Variants in MYRIP observed in about 807,000 individuals in gnomAD.
MYRIP encodes rab effector MyRIP.
Under a neutral mutation model 98.0 loss-of-function variants are expected in MYRIP, and 49 were observed. That is an observed-to-expected ratio of 0.50 (90% CI 0.40 to 0.63). The LOEUF (loss-of-function observed/expected upper bound fraction) is 0.63. MYRIP is among the 30% of genes least tolerant of loss of function. The pLI, the probability that MYRIP is intolerant of heterozygous loss-of-function variation, is 0.00. For missense variants in MYRIP, 1,004 were observed against 1,058.2 expected (o/e 0.95, Z 0.71); for synonymous variants, 404 against 409.5 (o/e 0.99, Z 0.16).
chr3:40,001,238 A>G (rs184659885), intron 2 of MYRIP, among the ~76,000 whole-genome samples: 62 of 152,364 alleles, frequency 4.1e-4, no homozygotes, highest in Non-Finnish European at 7.2e-4. Flanking sequence ...TGATATATAC[A>G]TTTGGCAAAA....
chr3:40,126,977 C>T (rs961297662), intron 3 of MYRIP, among the ~76,000 whole-genome samples: 1 of 152,188 alleles, frequency 6.6e-6, no homozygotes, highest in African/African-American at 2.4e-5. Context: ...GGGAAACTAC[C>T]TGCACAGCTT....
At chr3:39,887,258 C>T (rs1000272749) in intron 1 of MYRIP, among the ~76,000 whole-genome samples, 10 of 151,204 alleles carry the variant, frequency 6.6e-5, no homozygotes, top group African/African-American at 2.4e-4. Flanking sequence ...AAATTGACAC[C>T]CTAACATCAC....
intron 3 of MYRIP, among the ~76,000 whole-genome samples, chr3:40,052,261 G>T (rs932656383): frequency 6.6e-6 from 1 of 151,578 alleles, no homozygotes; most frequent in African/African-American, 2.4e-5. Flanking sequence ...CTTTTTTAGC[G>T]CCCACATATG....
intron 1 of MYRIP, among the ~76,000 whole-genome samples, chr3:39,841,468 T>C (rs375833961): frequency 6.6e-6 from 1 of 152,088 alleles, no homozygotes; most frequent in East Asian, 1.9e-4. Context: ...ATTCATCAAG[T>C]CATTCTCCAT....
chr3:40,185,060 C>A (rs150667885), intron 9 of MYRIP, among the ~76,000 whole-genome samples: 78 of 152,310 alleles, frequency 5.1e-4, no homozygotes, highest in African/African-American at 1.9e-3. Context: ...AGGCATTGCT[C>A]AATCTCAGTT....
At position 40,218,618 on chromosome 3, in the gene MYRIP, A is replaced by AT. The variant is rs1952212363; in HGVS notation, c.1905+8526dup. 1.9e-3 allele frequency among the ~76,000 whole-genome samples: 17 copies of AT among 8,848 alleles called. No individual in the cohort carries two copies. In the East Asian group the frequency reaches 0.11, roughly 56 times the overall value. The allele number at this position is 8,848 out of a possible 152,430, so 5.8% of individuals were successfully genotyped here. A position where few individuals can be genotyped will look rare whatever the true frequency, so the allele number is the denominator to read the frequency against. On this transcript the variant is annotated intron_variant, in intron 11 of 16. Coordinates refer to ENST00000302541, the MANE Select transcript of MYRIP (RefSeq NM_015460.4). ...ACACACATATATATATATTTTATAT[A>AT]TATATATATATATATATATATATAT...
At chr3:40,120,589 T>C (rs1448363410) in intron 3 of MYRIP, among the ~76,000 whole-genome samples, 2 of 152,054 alleles carry the variant, frequency 1.3e-5, no homozygotes, top group African/African-American at 4.8e-5. Flanking sequence ...AGAAAGATAA[T>C]TTGATGTCTT....
chr3:39,866,919 T>C (rs998239614), intron 1 of MYRIP, among the ~76,000 whole-genome samples: 3 of 152,156 alleles, frequency 2.0e-5, no homozygotes, highest in African/African-American at 7.2e-5. Flanking sequence ...TACTTCCTGA[T>C]TTCAAACAAT....
At chr3:40,066,056 C>T (rs1948120553) in intron 3 of MYRIP, among the ~76,000 whole-genome samples, 1 of 152,132 alleles carries the variant, frequency 6.6e-6, no homozygotes, top group Non-Finnish European at 1.5e-5. Context: ...AGAAGGACCC[C>T]ACACCTTCTG....
At chr3:39,822,910 T>C (rs1469442040) in intron 1 of MYRIP, among the ~76,000 whole-genome samples, 1 of 151,906 alleles carries the variant, frequency 6.6e-6, no homozygotes, top group African/African-American at 2.4e-5. Context: ...CTGGTGTATA[T>C]ATACACCTCA....
In MYRIP at chr3:40,132,688, C is replaced by T. The variant is rs190573067; in HGVS notation, c.333-18360C>T. ...GCATGAGAGTACTACCTAGCCTTTC[C>T]TTTTCAGCTTGGACATTAGCCACCC... On this transcript the variant is annotated intron_variant, in intron 3 of 16. Coordinates refer to ENST00000302541, the MANE Select transcript of MYRIP (RefSeq NM_015460.4). Among the ~76,000 whole-genome samples the T allele has an allele frequency of 4.4e-4, 67 of 152,380 alleles. No individual in the cohort carries two copies. The East Asian group carries it at 0.012, about 26-fold the overall frequency.
intron 9 of MYRIP, among the ~76,000 whole-genome samples, chr3:40,187,007 T>A (rs1282820100): frequency 6.6e-6 from 1 of 152,220 alleles, no homozygotes; most frequent in Non-Finnish European, 1.5e-5. Context: ...CCATTGTCAA[T>A]GAAAATAGTG....
At chr3:40,034,395 A>T (rs2125822031) in intron 2 of MYRIP, among the ~76,000 whole-genome samples, 1 of 152,282 alleles carries the variant, frequency 6.6e-6, no homozygotes, top group Admixed American at 6.5e-5. Context: ...AAACAACCCC[A>T]TCAACAAGTG....
intron 1 of MYRIP, among the ~76,000 whole-genome samples, chr3:39,874,344 C>G (rs1324470501): frequency 2.6e-5 from 4 of 151,604 alleles, no homozygotes; most frequent in Non-Finnish European, 5.9e-5. Flanking sequence ...CCTTCTCCTG[C>G]CTAATTGCCT....
intron 3 of MYRIP, among the ~76,000 whole-genome samples, chr3:40,083,240 A>G (rs907101994): frequency 6.6e-6 from 1 of 152,208 alleles, no homozygotes; most frequent in African/African-American, 2.4e-5. Flanking sequence ...GAATGCTGAA[A>G]GTCTAATGCT....
intron 3 of MYRIP, among the ~76,000 whole-genome samples, chr3:40,120,760 G>A (rs1949386053): frequency 6.6e-6 from 1 of 152,190 alleles, no homozygotes; most frequent in African/African-American, 2.4e-5. Context: ...AGCAAGAACA[G>A]CAGCTATCCA....
At chr3:40,151,239 C>T (rs1238743163) in intron 4 of MYRIP, 55 bp downstream of exon 4, 31 of 1,533,096 alleles carry the variant, frequency 2.0e-5, no homozygotes, top group Non-Finnish European at 2.7e-5. Context: ...GGGTAGAAGG[C>T]CTGGCTCAGG....
intron 1 of MYRIP, among the ~76,000 whole-genome samples, chr3:39,888,853 C>T (rs1242606467): frequency 6.6e-6 from 1 of 152,066 alleles, no homozygotes; most frequent in African/African-American, 2.4e-5. Flanking sequence ...ACAACCCCAT[C>T]AAAAAGTGGG....
intron 3 of MYRIP, among the ~76,000 whole-genome samples, chr3:40,068,992 A>T (rs1161562924): frequency 6.6e-6 from 1 of 152,166 alleles, no homozygotes; most frequent in Non-Finnish European, 1.5e-5. Flanking sequence ...CCACTCCCTT[A>T]TTGTATTAAG....
Sources: allele counts gnomAD v4.1 joint callset (sites outside exome capture counted in the v4.1 genomes callset), GRCh38; gene constraint gnomAD v4.1.1; transcripts MANE v1.5; gene names NCBI Gene and HGNC (gene_info 2026-07-23, HGNC 2026-07-21).